SLC7A1: variants seen among roughly 807,000 people sequenced by gnomAD.
The protein encoded by SLC7A1 is solute carrier family 7 member 1.
A neutral mutation model predicts 53.9 loss-of-function variants in SLC7A1; 10 were observed. That is an observed-to-expected ratio of 0.19 (90% CI 0.11 to 0.31). The LOEUF (loss-of-function observed/expected upper bound fraction) is 0.31, where lower values mean the gene tolerates loss of function less well. SLC7A1 is among the 10% of genes least tolerant of loss of function. SLC7A1 has a pLI of 1.00. For synonymous variants in SLC7A1, 342 were observed against 338.7 expected, an observed-to-expected ratio of 1.01 and a Z score of -0.11; for missense variants, 525 against 827.2, an observed-to-expected ratio of 0.63 and a Z score of 4.48.
chr13:29,532,562 AGCTAG>A (rs1004136182), intron 4 of SLC7A1, among the ~76,000 whole-genome samples: 1 of 152,248 alleles, frequency 6.6e-6, no homozygotes, highest in African/African-American at 2.4e-5. Context: ...TTCCACAAAC[AGCTAG>A]GCTAAACACC....
intron 1 of SLC7A1, among the ~76,000 whole-genome samples, chr13:29,589,167 G>A (rs911089502): frequency 3.3e-5 from 5 of 152,232 alleles, no homozygotes; most frequent in African/African-American, 7.2e-5. Context: ...GGGCACCTCC[G>A]CAAGATATTG....
chr13:29,513,113 G>C lies in SLC7A1; in HGVS notation c.*1367C>G, dbSNP rs1024329002. 6.6e-6 allele frequency: 1 copy of C among 152,312 alleles called. No individual in the cohort carries two copies. The highest frequency in any genetic ancestry group is 1.5e-5 in the Non-Finnish European group (1 of 68,114). The allele number at this position is 152,312 out of a possible 1,614,324, so 9.4% of individuals were successfully genotyped here. A position where few individuals can be genotyped will look rare whatever the true frequency, so the allele number is the denominator to read the frequency against. ...TTCCTCTGGCTCCCATCTACAAGGA[G>C]TGTGTGTGAAATGGTGCTGGCCGCA... On this transcript the variant is annotated 3_prime_UTR_variant, in exon 13 of 13. Transcript: ENST00000380752.
intron 2 of SLC7A1, among the ~76,000 whole-genome samples, chr13:29,537,365 C>A (rs898781139): frequency 6.6e-6 from 1 of 152,236 alleles, no homozygotes; most frequent in South Asian, 2.1e-4. Flanking sequence ...CCGGACACAT[C>A]CTGTTCTACA....
At chr13:29,530,179 T>G (rs966491085) in intron 5 of SLC7A1, among the ~76,000 whole-genome samples, 2 of 152,188 alleles carry the variant, frequency 1.3e-5, no homozygotes, top group African/African-American at 4.8e-5. Flanking sequence ...GAAAAATCTT[T>G]TCTGAACACA....
At chr13:29,519,070 T>C (rs1415270421) in intron 9 of SLC7A1, among the ~76,000 whole-genome samples, 1 of 151,990 alleles carries the variant, frequency 6.6e-6, no homozygotes, top group Non-Finnish European at 1.5e-5. Flanking sequence ...AGGCCTTGGG[T>C]TTTCCTAACT....
rs745887505 is a variant in SLC7A1 at position 29,524,214 on chromosome 13, C to A, written c.744G>T (p.Met248Ile). 6 of 1,614,172 alleles carry A rather than the reference C, an allele frequency of 3.7e-6. No homozygotes were observed. The highest frequency in any genetic ancestry group is 1.7e-5 in the Admixed American group (1 of 60,034). ...KEGKPGVGGFMPFGFSGVLSG... is the reference protein window; with the variant it reads ...KEGKPGVGGFIPFGFSGVLSG... ...ACAGGACACCAGAGAACCCGAAGGGCATGAATCCACCAACACCGGGCTTCC... is the reference window on the plus strand; with the variant it reads ...ACAGGACACCAGAGAACCCGAAGGGAATGAATCCACCAACACCGGGCTTCC... The change falls in exon 6 of 13, where the codon ATG becomes ATT. Residue 248 changes from methionine to isoleucine, a missense_variant. By Grantham distance (10) the Met-to-Ile change is conservative. Around this residue, in one of 4 missense-constraint regions of SLC7A1, gnomAD observed 354 missense variants for 587.5 expected, o/e 0.60. Coordinates refer to ENST00000380752, the MANE Select transcript of SLC7A1 (RefSeq NM_003045.5).
chr13:29,552,476 C>T (rs1870245065), intron 2 of SLC7A1, among the ~76,000 whole-genome samples: 1 of 152,136 alleles, frequency 6.6e-6, no homozygotes. Context: ...CAAAACTGGC[C>T]ATAAACAAAA....
Position 29,517,245 on chromosome 13 carries a change from G to A in SLC7A1, c.1576C>T (p.Leu526=). The change falls in exon 11 of 13, where the codon CTG becomes TTG. Residue 526 remains leucine, a synonymous_variant. Transcript: ENST00000380752. The part of the protein sequence containing the change: ...LGREALTKGA[L]WAVFLLAGSA... The stretch of plus-strand genomic sequence containing the variant: ...CCTGCGAGCAGAAAGACTGCCCACA[G>A]CGCCCCTTTGGTGAGAGCCTCCCTT... The A allele has an allele frequency of 6.2e-7, 1 of 1,613,436 alleles. No homozygotes were observed.
At chr13:29,565,643 A>G (rs934062143) in intron 1 of SLC7A1, among the ~76,000 whole-genome samples, 2 of 152,204 alleles carry the variant, frequency 1.3e-5, no homozygotes. Context: ...CCTTTCTGCC[A>G]TCTGCCAGGA....
chr13:29,530,710 G>A lies in SLC7A1; in HGVS notation c.532C>T (p.Leu178Phe). Residue 178 changes from leucine to phenylalanine, a missense_variant and splice_region_variant, in exon 5 of 13, where the codon CTT becomes TTT. Transcript: ENST00000380752. Reference protein sequence around the residue: ...AVIIILILTGLLTLGVKESAM... With the variant: ...AVIIILILTGFLTLGVKESAM... ...GACTCTTTCACACCAAGAGTTAAAA[G>A]TCCTGAAAAAGTGCATAGACACAAA... The A allele has an allele frequency of 6.2e-7, 1 of 1,613,506 alleles. No homozygotes were observed. The highest frequency in any genetic ancestry group is 8.5e-7 in the Non-Finnish European group (1 of 1,179,634).
intron 1 of SLC7A1, among the ~76,000 whole-genome samples, chr13:29,588,181 C>A (rs564208049): frequency 2.6e-5 from 4 of 152,152 alleles, no homozygotes; most frequent in Non-Finnish European, 4.4e-5. Context: ...ATTATGTGGA[C>A]GACTGCAAGT....
In SLC7A1 at chr13:29,510,668, T is replaced by C. The variant is rs2139054404; in HGVS notation, c.*3812A>G. 1 of 152,326 alleles carries C rather than the reference T, an allele frequency of 6.6e-6. No homozygotes were observed. The highest frequency in any genetic ancestry group is 2.1e-4 in the South Asian group (1 of 4,820). 9.4% of individuals were successfully genotyped at this position (152,326 alleles called of 1,614,324 possible). The stretch of plus-strand genomic sequence containing the variant: ...GACCACCAGCGCACAGACACGAACA[T>C]GCCTCTCACACACCCCAGAACGCAG... On this transcript the variant is annotated 3_prime_UTR_variant, in exon 13 of 13. Transcript: ENST00000380752.
At chr13:29,515,483 C>T (rs1224673395) in intron 12 of SLC7A1, among the ~76,000 whole-genome samples, 1 of 152,232 alleles carries the variant, frequency 6.6e-6, no homozygotes, top group Non-Finnish European at 1.5e-5. Flanking sequence ...CAGCCATCTG[C>T]CCGTAGCATG....
chr13:29,527,704 C>A (rs1868961173), intron 5 of SLC7A1, among the ~76,000 whole-genome samples: 1 of 152,148 alleles, frequency 6.6e-6, no homozygotes, highest in African/African-American at 2.4e-5. Flanking sequence ...CGCTCAGAAG[C>A]AGCAAAGACA....
At chr13:29,554,124 A>G (rs1870325675) in intron 1 of SLC7A1, among the ~76,000 whole-genome samples, 1 of 152,182 alleles carries the variant, frequency 6.6e-6, no homozygotes, top group Non-Finnish European at 1.5e-5. Context: ...TGACTCTCAT[A>G]TTTCAAAGAG....
intron 12 of SLC7A1, among the ~76,000 whole-genome samples, chr13:29,514,849 C>T (rs1883509170): frequency 6.6e-6 from 1 of 152,236 alleles, no homozygotes; most frequent in Non-Finnish European, 1.5e-5. Context: ...GACAGAGCAG[C>T]TGGGCCAGGG....
chr13:29,585,170 T>C (rs74585053), intron 1 of SLC7A1, among the ~76,000 whole-genome samples: 4,873 of 152,246 alleles, frequency 0.032, 210 homozygotes, highest in African/African-American at 0.089. Flanking sequence ...CAGAGAATAA[T>C]GTCCCCTTCA....
At chr13:29,544,879 G>A (rs967906040) in intron 2 of SLC7A1, among the ~76,000 whole-genome samples, 2 of 140,912 alleles carry the variant, frequency 1.4e-5, no homozygotes, top group African/African-American at 5.3e-5. Context: ...GGGGGGGGGG[G>A]CAAGCTCTTC....
intron 9 of SLC7A1, among the ~76,000 whole-genome samples, chr13:29,517,996 A>G (rs1172104706): frequency 6.6e-6 from 1 of 152,222 alleles, no homozygotes; most frequent in Non-Finnish European, 1.5e-5. Context: ...AACATCCTCC[A>G]TGGTCTCTCC....
Sources: gnomAD v4.1 joint callset for allele counts (sites outside exome capture counted in the v4.1 genomes callset) on GRCh38, gnomAD v4.1.1 for gene constraint, gnomAD v4.1.1 regional missense constraint, MANE v1.5 for transcripts, NCBI Gene and HGNC (gene_info 2026-07-23, HGNC 2026-07-21) for gene names.